NELL2: variants seen among roughly 807,000 people sequenced by gnomAD.
The protein encoded by NELL2 is neural EGFL like 2.
In NELL2, 41 loss-of-function variants were observed where a neutral mutation model predicts 109.6. The ratio of observed to expected loss-of-function variants is 0.37; its 90% confidence interval spans 0.29 to 0.49. The LOEUF is 0.49. Among genes scored for constraint, NELL2 ranks in the 20% least tolerant of loss-of-function variants. The pLI is 0.98. For synonymous variants in NELL2, 355 were observed against 344.7 expected (o/e 1.03, Z -0.33); for missense variants, 900 against 1,008.3 (o/e 0.89, Z 1.45).
At chr12:44,601,691 G>A (rs191393994) in intron 15 of NELL2, among the ~76,000 whole-genome samples, 2 of 152,020 alleles carry the variant, frequency 1.3e-5, no homozygotes, top group Non-Finnish European at 2.9e-5. Context: ...ATCATATCAG[G>A]TGTCATTTAC....
At chr12:44,627,889 A>C (rs1371025599) in intron 13 of NELL2, among the ~76,000 whole-genome samples, 17 of 152,246 alleles carry the variant, frequency 1.1e-4, no homozygotes, top group Admixed American at 1.1e-3. Context: ...TTTTGCAAAT[A>C]AGTGGTTCCT....
At chr12:44,644,577 A>ATATATATATATATAT (rs1376840602) in intron 13 of NELL2, among the ~76,000 whole-genome samples, 1 of 92,820 alleles carries the variant, frequency 1.1e-5, no homozygotes, top group Non-Finnish European at 2.1e-5. Context: ...CAGACAAAGT[A>ATATATATATATATAT]AAGTATATAT....
At chr12:44,652,574 T>C (rs1362768971) in intron 13 of NELL2, among the ~76,000 whole-genome samples, 2 of 152,170 alleles carry the variant, frequency 1.3e-5, no homozygotes, top group Non-Finnish European at 2.9e-5. Context: ...CCAAACTTGC[T>C]CCAGAATTAT....
chr12:44,559,612 G>A (rs944395823), intron 15 of NELL2, among the ~76,000 whole-genome samples: 2 of 152,130 alleles, frequency 1.3e-5, no homozygotes, highest in African/African-American at 4.8e-5. Context: ...AGGGATGAAT[G>A]CAACAAGAAG....
intron 9 of NELL2, among the ~76,000 whole-genome samples, chr12:44,747,317 G>T (rs912527474): frequency 6.6e-6 from 1 of 151,938 alleles, no homozygotes; most frequent in Admixed American, 6.6e-5. Context: ...GGGAAGGGGG[G>T]AGGGATAGCA....
intron 1 of NELL2, among the ~76,000 whole-genome samples, chr12:44,898,744 A>G (rs1165124055): frequency 6.6e-6 from 1 of 152,162 alleles, no homozygotes; most frequent in Admixed American, 6.5e-5. Flanking sequence ...ACAAAACTGA[A>G]TGGAGAATGA....
rs568766281 is a variant in NELL2 at position 44,901,066 on chromosome 12, G to A, written c.38+12733C>T. On this transcript the variant is annotated intron_variant, in intron 1 of 20. Transcript: ENST00000333837. ...CTAAGATCAGAGCAGAACTGAAGGAGGATAGAGATATGAAAAAGACTTCAA... is the reference window on the plus strand; with the variant it reads ...CTAAGATCAGAGCAGAACTGAAGGAAGATAGAGATATGAAAAAGACTTCAA... Among the ~76,000 whole-genome samples the A allele has an allele frequency of 1.2e-4, 19 of 152,102 alleles. No homozygotes were observed. In the East Asian group the frequency reaches 1.9e-3, roughly 15 times the overall value.
In NELL2 at chr12:44,836,283, G is replaced by A. The variant is rs146276577; in HGVS notation, c.185-20147C>T. On this transcript the variant is annotated intron_variant, in intron 2 of 19. Coordinates refer to ENST00000429094, the MANE Select transcript of NELL2 (RefSeq NM_001145108.2). The stretch of plus-strand genomic sequence containing the variant: ...TTCCAATTCTATTCCCACACTAGGC[G>A]GGTGAGATCCCAATCTATTCTCTGT... 5.7e-3 allele frequency among the ~76,000 whole-genome samples: 869 copies of A among 152,280 alleles called. 4 individuals are homozygous for A. The highest frequency in any genetic ancestry group is 8.2e-3 in the Non-Finnish European group (557 of 68,018).
At chr12:44,583,109 T>C (rs1944379273) in intron 15 of NELL2, among the ~76,000 whole-genome samples, 1 of 152,158 alleles carries the variant, frequency 6.6e-6, no homozygotes, top group East Asian at 1.9e-4. Context: ...TATTCTGTTA[T>C]AGCCACACAA....
At chr12:44,775,244 T>TGC (rs1941710168) in intron 8 of NELL2, among the ~76,000 whole-genome samples, 1 of 148,412 alleles carries the variant, frequency 6.7e-6, no homozygotes. Flanking sequence ...CACATGCATG[T>TGC]GCGTGCGCAC....
chr12:44,870,559 G>A (rs1310347620), intron 2 of NELL2, among the ~76,000 whole-genome samples: 1 of 152,100 alleles, frequency 6.6e-6, no homozygotes, highest in Non-Finnish European at 1.5e-5. Flanking sequence ...CTAAAATCAA[G>A]GTATCAGTAG....
At chr12:44,903,132 T>A (rs899170987) in intron 1 of NELL2, among the ~76,000 whole-genome samples, 1 of 151,868 alleles carries the variant, frequency 6.6e-6, no homozygotes, top group African/African-American at 2.4e-5. Flanking sequence ...TGGGAGAAAA[T>A]TTTTGCAATC....
chr12:44,754,689 C>T (rs904010755), intron 9 of NELL2, among the ~76,000 whole-genome samples: 2 of 152,072 alleles, frequency 1.3e-5, no homozygotes, highest in African/African-American at 4.8e-5. Context: ...TGATTGACTA[C>T]CTAGAAATAA....
rs180875263 is a variant in NELL2, at chr12:44,781,876, G to C, written c.336-1854C>G. ...AAACTAAGAGAATTTATCATGAGAA[G>C]ACCTATTTTAAAAGAACAGCAAAAT... On this transcript the variant is annotated intron_variant, in intron 3 of 19. Coordinates refer to ENST00000429094, the MANE Select transcript of NELL2 (RefSeq NM_001145108.2). Among the ~76,000 whole-genome samples the C allele has an allele frequency of 1.0e-3, 159 of 151,888 alleles. 1 individual carries two copies. The highest frequency in any genetic ancestry group is 1.8e-3 in the Admixed American group (27 of 15,250).
chr12:44,841,092 T>C (rs10785540), intron 2 of NELL2, among the ~76,000 whole-genome samples: 129,072 of 152,168 alleles, frequency 0.85, 54,985 homozygotes, highest in Middle Eastern at 0.95. Context: ...CTCAGTAGAC[T>C]GATGCACACC....
At chr12:44,770,378 C>A (rs1342287220) in intron 9 of NELL2, among the ~76,000 whole-genome samples, 1 of 152,084 alleles carries the variant, frequency 6.6e-6, no homozygotes, top group South Asian at 2.1e-4. Context: ...GCAACTGAGT[C>A]CATGAGAGGT....
At chr12:44,725,847 T>A (rs1415581865) in intron 9 of NELL2, among the ~76,000 whole-genome samples, 1 of 152,158 alleles carries the variant, frequency 6.6e-6, no homozygotes, top group East Asian at 1.9e-4. Context: ...TGTGGTCTAT[T>A]TGATGAGGGA....
chr12:44,512,260 G>A (rs1043556803), intron 19 of NELL2, among the ~76,000 whole-genome samples: 1 of 151,996 alleles, frequency 6.6e-6, no homozygotes, highest in Non-Finnish European at 1.5e-5. Flanking sequence ...GGGAAACGCA[G>A]GTCAAAACCA....
intron 2 of NELL2, among the ~76,000 whole-genome samples, chr12:44,816,451 T>C (rs1028195543): frequency 1.3e-5 from 2 of 152,166 alleles, no homozygotes; most frequent in African/African-American, 2.4e-5. Context: ...ACAATTCCTA[T>C]ATTCTAGATA....
Sources: allele counts gnomAD v4.1 joint callset (sites outside exome capture counted in the v4.1 genomes callset), GRCh38; gene constraint gnomAD v4.1.1; transcripts MANE v1.5; gene names NCBI Gene and HGNC (gene_info 2026-07-23, HGNC 2026-07-21).